FCHO1: variants seen among roughly 807,000 people sequenced by gnomAD.
The protein encoded by FCHO1 is FCH and mu domain containing endocytic adaptor 1, also known as F-BAR domain only protein 1.
FCHO1 carries 45 observed loss-of-function variants against 114.4 expected under a neutral mutation model. The observed-to-expected ratio is 0.39, with a 90% CI of 0.31 to 0.50. The LOEUF (loss-of-function observed/expected upper bound fraction) is 0.50, where lower values mean the gene tolerates loss of function less well. Ranked by LOEUF, FCHO1 falls within the 20% of genes least tolerant of loss-of-function variation. The pLI, the probability that FCHO1 is intolerant of heterozygous loss-of-function variation, is 0.77. For synonymous variants in FCHO1, 480 were observed against 488.9 expected (o/e 0.98, Z 0.24); for missense variants, 1,042 against 1,209.6 (o/e 0.86, Z 2.06).
At chr19:17,787,016 G>A (rs1183653912) in intron 27 of FCHO1, among the ~76,000 whole-genome samples, 1 of 151,878 alleles carries the variant, frequency 6.6e-6, no homozygotes, top group Non-Finnish European at 1.5e-5. Flanking sequence ...TTGAGGTCAG[G>A]AGTTCAAGAC....
chr19:17,781,678 C>T (rs1030327375), intron 22 of FCHO1, 34 bp from the exon 23 acceptor site: 15 of 1,556,842 alleles, frequency 9.6e-6, no homozygotes, highest in Non-Finnish European at 1.1e-5. Context: ...CACTGTCTAT[C>T]CGTTGTTCCC....
intron 18 of FCHO1, among the ~76,000 whole-genome samples, chr19:17,777,300 G>A (rs2092750200): frequency 6.6e-6 from 1 of 151,794 alleles, no homozygotes. Context: ...ACTTTGGGAG[G>A]CCAAGGCAGG....
At chr19:17,757,393 CTCTGG>C (rs995783116) in intron 4 of FCHO1, among the ~76,000 whole-genome samples, 1 of 152,094 alleles carries the variant, frequency 6.6e-6, no homozygotes, top group African/African-American at 2.4e-5. Context: ...CCAGATGCTG[CTCTGG>C]GCGGTGGTGC....
In FCHO1 at chr19:17,776,498, G is replaced by T; in HGVS notation, c.1208-137G>T. On this transcript the variant is annotated intron_variant, in intron 17 of 28. Transcript: ENST00000596536. This position sits in a 1 kb window ranked among gnomAD's most constrained non-coding sequence, Gnocchi z 4.4. ...TCTGGAGACAGGCTCGCTTAGGCTT[G>T]AATCCATGTCTGCCTGATTTGCTGA... The T allele has an allele frequency of 9.1e-7, 1 of 1,098,578 alleles. No homozygotes were observed. Among genetic ancestry groups the T allele is most frequent in the Non-Finnish European group, 1.4e-6 (1 of 723,910 alleles). The allele number at this position is 1,098,578 out of a possible 1,614,324, so 68.1% of individuals were successfully genotyped here.
chr19:17,769,495 C>T (rs12975035), intron 7 of FCHO1, among the ~76,000 whole-genome samples: 42,842 of 151,048 alleles, frequency 0.28, 7,861 homozygotes, highest in Non-Finnish European at 0.41. Flanking sequence ...AGGAGAATGG[C>T]GTGAACCCGG....
intron 6 of FCHO1, among the ~76,000 whole-genome samples, chr19:17,764,788 A>G (rs1456452898): frequency 1.3e-5 from 2 of 152,094 alleles, no homozygotes; most frequent in Non-Finnish European, 2.9e-5. Flanking sequence ...GAAGGGGGCC[A>G]GGTGCGGTGG....
intron 27 of FCHO1, 28 bp downstream of exon 27, chr19:17,786,657 G>A: frequency 6.3e-7 from 1 of 1,587,702 alleles, no homozygotes; most frequent in Non-Finnish European, 8.6e-7. Flanking sequence ...ATGAGGGCTG[G>A]GTGGGAGGGA....
At chr19:17,767,962 C>T (rs1225261069) in intron 7 of FCHO1, among the ~76,000 whole-genome samples, 1 of 152,218 alleles carries the variant, frequency 6.6e-6, no homozygotes, top group Non-Finnish European at 1.5e-5. Flanking sequence ...ATATCCAAAG[C>T]TTATAATTGT....
At position 17,776,800 on chromosome 19, in the gene FCHO1, T is replaced by C. The variant is rs2092688460; in HGVS notation, c.1259+114T>C. On this transcript the variant is annotated intron_variant, in intron 18 of 28. Transcript: ENST00000596536. This position sits in a 1 kb window ranked among gnomAD's most constrained non-coding sequence, Gnocchi z 4.4. ...GCTGGGAGTTGACGTCATGCTGGGG[T>C]TTTTTTGTTTTTGTTTTTGTTTTGA... 2 of 1,015,998 alleles carry C rather than the reference T, an allele frequency of 2.0e-6. No individual in the cohort carries two copies. Among genetic ancestry groups the C allele is most frequent in the African/African-American group, 3.3e-5 (2 of 61,264 alleles). 62.9% of individuals were successfully genotyped at this position (1,015,998 alleles called of 1,614,324 possible). A position where few individuals can be genotyped will look rare whatever the true frequency, so the allele number is the denominator to read the frequency against.
At chr19:17,771,358 TAAAA>T (rs1269242537) in intron 9 of FCHO1, among the ~76,000 whole-genome samples, 1 of 112,664 alleles carries the variant, frequency 8.9e-6, no homozygotes, top group Non-Finnish European at 1.9e-5. Context: ...CAGGTGTATA[TAAAA>T]AAAAAAAAGA....
At chr19:17,759,735 C>G (rs1197925187) in intron 4 of FCHO1, among the ~76,000 whole-genome samples, 4 of 151,586 alleles carry the variant, frequency 2.6e-5, no homozygotes, top group Admixed American at 6.6e-5. Flanking sequence ...GAGTTCAAGA[C>G]CAGCTTGACC....
intron 9 of FCHO1, 106 bp from the exon 10 acceptor site, chr19:17,772,351 C>T (rs1366624472): frequency 2.1e-5 from 17 of 820,572 alleles, no homozygotes; most frequent in Non-Finnish European, 3.5e-5. Context: ...CCAAATCAAT[C>T]ACTGAGCCAA....
At chr19:17,774,675 TC>T in intron 13 of FCHO1, 197 bp downstream of exon 13, 1 of 597,156 alleles carries the variant, frequency 1.7e-6, no homozygotes, top group Non-Finnish European at 3.0e-6. Flanking sequence ...CCCAAGCTAG[TC>T]CAGAATTCTT....
chr19:17,763,004 C>T (rs901089110), intron 5 of FCHO1, 151 bp downstream of exon 5: 16 of 602,596 alleles, frequency 2.7e-5, no homozygotes, highest in African/African-American at 2.4e-4. Context: ...GACCGATTCT[C>T]AACCCGGTCA....
chr19:17,768,542 A>G (rs1377249762), intron 7 of FCHO1, among the ~76,000 whole-genome samples: 2 of 151,642 alleles, frequency 1.3e-5, no homozygotes, highest in Admixed American at 6.6e-5. Flanking sequence ...AAACACAAAA[A>G]TTAGCCAGAC....
rs146733258 is a variant in FCHO1 at position 17,762,261 on chromosome 19, C to T, written c.28-501C>T. Among the ~76,000 whole-genome samples, 629 of 150,882 alleles carry T rather than the reference C, an allele frequency of 4.2e-3. 8 individuals are homozygous for T. Among genetic ancestry groups the T allele is most frequent in the Non-Finnish European group, 6.0e-3 (406 of 67,874 alleles). On this transcript the variant is annotated intron_variant, in intron 4 of 28. Transcript: ENST00000596536. ...TTGGCTTCTCAAAGTGTTGGGATTA[C>T]GGGCGTGAGCCACCGTGCCCAGCTC...
rs149410753 is a variant in FCHO1 at position 17,755,266 on chromosome 19, T to A, written c.27+75T>A. The A allele has an allele frequency of 2.6e-4, 345 of 1,315,896 alleles. No homozygotes were observed. The African/African-American group carries it at 4.7e-3, about 18-fold the overall frequency. The allele number at this position is 1,315,896 out of a possible 1,614,324, so 81.5% of individuals were successfully genotyped here. On this transcript the variant is annotated intron_variant, in intron 4 of 28. Coordinates refer to ENST00000596536, the MANE Select transcript of FCHO1 (RefSeq NM_015122.3). ...CTTTTATGGAGATGGGAGGACTGGG[T>A]GAGTTGCGGTTACAGCCTTGGACAG...
chr19:17,781,470 T>C lies in FCHO1; in HGVS notation c.1759T>C (p.Ser587Pro). The change falls in exon 22 of 29, where the codon TCC becomes CCC. Residue 587 changes from serine (S) to proline (P), a missense_variant. By Grantham distance (74) the Ser-to-Pro change is moderately conservative (BLOSUM62 -1). Coordinates refer to ENST00000596536, the MANE Select transcript of FCHO1 (RefSeq NM_015122.3). Reference sequence around the variant, plus strand: ...CTTCCAGTCTCGTTCCCTGAGCCCCTCCCCACTGGGCTCTTCAGCCGCCAG... The same window carrying C: ...CTTCCAGTCTCGTTCCCTGAGCCCCCCCCCACTGGGCTCTTCAGCCGCCAG... ...NGDLSRSLSPSPLGSSAASTA... is the reference protein window; with the variant it reads ...NGDLSRSLSPPPLGSSAASTA... 1 of 1,613,936 alleles carries C rather than the reference T, an allele frequency of 6.2e-7. No homozygotes were observed.
chr19:17,766,550 T>G, intron 6 of FCHO1, 119 bp from the exon 7 acceptor site: 7 of 1,274,078 alleles, frequency 5.5e-6, no homozygotes, highest in Non-Finnish European at 7.6e-6. Flanking sequence ...ATTATATGAA[T>G]TAGTATTCAT....
Sources: gnomAD v4.1 joint callset for allele counts (sites outside exome capture counted in the v4.1 genomes callset) on GRCh38, gnomAD v4.1.1 for gene constraint, Gnocchi (gnomAD v3.1) non-coding constraint, MANE v1.5 for transcripts, NCBI Gene and HGNC (gene_info 2026-07-23, HGNC 2026-07-21) for gene names.